DLGAP1: variants seen among roughly 807,000 people sequenced by gnomAD.
The protein encoded by DLGAP1 is DLG associated protein 1.
DLGAP1 carries 11 observed loss-of-function variants against 90.8 expected under a neutral mutation model. The observed-to-expected ratio is 0.12, with a 90% CI of 0.08 to 0.20. The LOEUF (loss-of-function observed/expected upper bound fraction) is 0.20. Ranked by LOEUF, DLGAP1 falls within the 10% of genes least tolerant of loss-of-function variation. DLGAP1 has a pLI of 1.00. For missense variants in DLGAP1, 1,050 were observed against 1,333.8 expected, an observed-to-expected ratio of 0.79 and a Z score of 3.31; for synonymous variants, 558 against 540.7, an observed-to-expected ratio of 1.03 and a Z score of -0.44.
chr18:4,129,936 C>G (rs2144195887), intron 2 of DLGAP1, among the ~76,000 whole-genome samples: 1 of 152,266 alleles, frequency 6.6e-6, no homozygotes, highest in Middle Eastern at 3.4e-3. Flanking sequence ...GATGACATAT[C>G]TAAATGGGAC....
intron 4 of DLGAP1, among the ~76,000 whole-genome samples, chr18:3,834,015 G>A (rs1376850627): frequency 6.6e-6 from 1 of 152,146 alleles, no homozygotes; most frequent in East Asian, 1.9e-4. Context: ...AATTGGTATA[G>A]AGATTTATGG....
intron 3 of DLGAP1, among the ~76,000 whole-genome samples, chr18:3,937,757 A>G (rs1316346023): frequency 1.3e-5 from 2 of 152,170 alleles, no homozygotes; most frequent in African/African-American, 4.8e-5. Context: ...ACCTACTCAG[A>G]GCCAATTTAT....
chr18:4,183,325 G>A (rs2077239257), intron 1 of DLGAP1, among the ~76,000 whole-genome samples: 1 of 151,976 alleles, frequency 6.6e-6, no homozygotes, highest in African/African-American at 2.4e-5. Context: ...AATGTGAGAG[G>A]CTAACTGAAG....
At chr18:3,636,448 A>G (rs7231033) in intron 7 of DLGAP1, among the ~76,000 whole-genome samples, 53,423 of 151,384 alleles carry the variant, frequency 0.35, 10,579 homozygotes, top group East Asian at 0.77. Context: ...GAGTCTCGCT[A>G]TCTTCTAGGC....
At chr18:4,060,324 C>G (rs553513762) in intron 2 of DLGAP1, among the ~76,000 whole-genome samples, 17 of 152,258 alleles carry the variant, frequency 1.1e-4, no homozygotes, top group African/African-American at 4.1e-4. Context: ...GGGCAAATGG[C>G]ACCCCCTCCC....
At chr18:3,697,888 T>TA (rs2061147699) in intron 7 of DLGAP1, among the ~76,000 whole-genome samples, 1 of 152,212 alleles carries the variant, frequency 6.6e-6, no homozygotes, top group African/African-American at 2.4e-5. Flanking sequence ...TGCATATATA[T>TA]TTAGGATAGT....
At chr18:4,053,581 A>G (rs2075168280) in intron 2 of DLGAP1, among the ~76,000 whole-genome samples, 2 of 152,224 alleles carry the variant, frequency 1.3e-5, no homozygotes, top group African/African-American at 2.4e-5. Context: ...GGAAGTACAT[A>G]GCACCTCCCC....
chr18:4,389,718 A>G (rs932429262), intron 1 of DLGAP1, among the ~76,000 whole-genome samples: 1 of 152,220 alleles, frequency 6.6e-6, no homozygotes, highest in Non-Finnish European at 1.5e-5. Context: ...ACTAGTTCAC[A>G]CTACCCATTA....
chr18:4,363,974 C>T (rs2081694575), intron 1 of DLGAP1, among the ~76,000 whole-genome samples: 1 of 151,840 alleles, frequency 6.6e-6, no homozygotes, highest in South Asian at 2.1e-4. Flanking sequence ...TATTGCGGCA[C>T]TATTCACAAT....
intron 7 of DLGAP1, chr18:3,656,365 T>C (rs758507574): frequency 4.3e-6 from 2 of 462,322 alleles, no homozygotes; most frequent in Non-Finnish European, 7.7e-6. Flanking sequence ...AACATGTTTT[T>C]GGATGGGACA....
At chr18:4,092,971 C>T (rs927972174) in intron 2 of DLGAP1, among the ~76,000 whole-genome samples, 2 of 152,222 alleles carry the variant, frequency 1.3e-5, no homozygotes, top group African/African-American at 2.4e-5. Flanking sequence ...TCCTCCAGTG[C>T]TCACAACCCA....
intron 3 of DLGAP1, among the ~76,000 whole-genome samples, chr18:3,909,464 C>T (rs985190768): frequency 2.0e-5 from 3 of 152,046 alleles, no homozygotes; most frequent in Non-Finnish European, 4.4e-5. Context: ...CAAAAGGGAC[C>T]GACTGTCTAG....
intron 3 of DLGAP1, among the ~76,000 whole-genome samples, chr18:3,907,158 G>T (rs907915491): frequency 5.3e-5 from 7 of 132,080 alleles, no homozygotes; most frequent in Non-Finnish European, 1.2e-4. Context: ...CAGGGCGGGG[G>T]TCCTGGGACC....
At chr18:3,547,000 T>C (rs1475100636) in intron 9 of DLGAP1, among the ~76,000 whole-genome samples, 2 of 151,124 alleles carry the variant, frequency 1.3e-5, no homozygotes, top group Non-Finnish European at 2.9e-5. Context: ...AGGACACATA[T>C]TACCAATATC....
intron 2 of DLGAP1, among the ~76,000 whole-genome samples, chr18:4,024,710 C>T (rs988708948): frequency 1.2e-4 from 19 of 152,140 alleles, no homozygotes; most frequent in African/African-American, 4.1e-4. Flanking sequence ...CTTTTTCTGA[C>T]TATGATGATA....
chr18:3,741,330 TCACCACCACCAC>T (rs376924253), intron 6 of DLGAP1, among the ~76,000 whole-genome samples: 1 of 64,012 alleles, frequency 1.6e-5, no homozygotes, highest in East Asian at 5.5e-4. Context: ...ACCACCACCA[TCACCACCACCAC>T]CACCACCACC....
intron 2 of DLGAP1, among the ~76,000 whole-genome samples, chr18:4,112,971 G>T (rs1480251737): frequency 6.6e-6 from 1 of 151,970 alleles, no homozygotes; most frequent in Admixed American, 6.6e-5. Context: ...GTAGTATTCT[G>T]TGGTATGTAT....
At chr18:4,224,202 C>T (rs1381782308) in intron 1 of DLGAP1, among the ~76,000 whole-genome samples, 1 of 152,204 alleles carries the variant, frequency 6.6e-6, no homozygotes, top group Non-Finnish European at 1.5e-5. Flanking sequence ...AGGTAGCACA[C>T]ACTGTGGGCA....
At chr18:4,095,556 G>T (rs1039504682) in intron 2 of DLGAP1, among the ~76,000 whole-genome samples, 1 of 152,126 alleles carries the variant, frequency 6.6e-6, no homozygotes, top group Non-Finnish European at 1.5e-5. Flanking sequence ...GATAGTAAGA[G>T]ATGATCAAGT....
Sources: allele counts gnomAD v4.1 joint callset (sites outside exome capture counted in the v4.1 genomes callset), GRCh38; gene constraint gnomAD v4.1.1; transcripts MANE v1.5; gene names NCBI Gene and HGNC (gene_info 2026-07-23, HGNC 2026-07-21).